MICU1: variants seen among roughly 807,000 people sequenced by gnomAD.
The protein encoded by MICU1 is mitochondrial calcium uptake 1.
MICU1 carries 45 observed loss-of-function variants against 56.8 expected under a neutral mutation model. That is an observed-to-expected ratio of 0.79 (90% CI 0.62 to 1.02). The LOEUF (loss-of-function observed/expected upper bound fraction) is 1.02, where lower values mean the gene tolerates loss of function less well. Among genes scored for constraint, MICU1 ranks in the 50% least tolerant of loss-of-function variants. MICU1 has a pLI of 0.00. For missense variants in MICU1, 504 were observed against 587.1 expected (o/e 0.86, Z 1.46); for synonymous variants, 186 against 195.1 (o/e 0.95, Z 0.39).
intron 10 of MICU1, among the ~76,000 whole-genome samples, chr10:72,402,887 TA>T (rs1177986068): frequency 1.3e-5 from 2 of 151,578 alleles, no homozygotes; most frequent in East Asian, 1.9e-4. Flanking sequence ...CTATAAAAAA[TA>T]AAAAAAATTT....
At chr10:72,513,930 T>C (rs1457272748) in intron 5 of MICU1, among the ~76,000 whole-genome samples, 1 of 152,200 alleles carries the variant, frequency 6.6e-6, no homozygotes, top group African/African-American at 2.4e-5. Flanking sequence ...ATTTACATTT[T>C]TGTAATTTAA....
chr10:72,464,897 C>A (rs1408052597), intron 8 of MICU1, among the ~76,000 whole-genome samples: 1 of 151,902 alleles, frequency 6.6e-6, no homozygotes, highest in African/African-American at 2.4e-5. Flanking sequence ...CTCATCAGGG[C>A]AAGATATTGG....
chr10:72,602,387 G>A (rs1353698887), intron 1 of MICU1, among the ~76,000 whole-genome samples: 1 of 151,658 alleles, frequency 6.6e-6, no homozygotes, highest in Non-Finnish European at 1.5e-5. Flanking sequence ...GGATGGGGAG[G>A]TTGCAGTGAG....
At chr10:72,531,336 T>C (rs1442090302) in intron 5 of MICU1, 2 of 152,208 alleles carry the variant, frequency 1.3e-5, no homozygotes, top group Non-Finnish European at 2.9e-5. Flanking sequence ...CAAATCTGTT[T>C]TTTTAACAGA....
chr10:72,588,094 C>T (rs1029875853), intron 1 of MICU1, among the ~76,000 whole-genome samples: 3 of 152,092 alleles, frequency 2.0e-5, no homozygotes, highest in African/African-American at 4.8e-5. Flanking sequence ...ATTTTCCCCT[C>T]GCTGTTCTGT....
intron 10 of MICU1, among the ~76,000 whole-genome samples, chr10:72,393,780 G>C (rs1051097148): frequency 2.0e-5 from 3 of 152,194 alleles, no homozygotes; most frequent in African/African-American, 4.8e-5. Context: ...TTGTTTGTTT[G>C]TTTTGAGACG....
intron 4 of MICU1, among the ~76,000 whole-genome samples, chr10:72,537,359 G>A (rs772575314): frequency 9.8e-5 from 15 of 152,294 alleles, no homozygotes; most frequent in Non-Finnish European, 1.8e-4. Flanking sequence ...CAATTACTGG[G>A]GGCAGGGAGA....
intron 5 of MICU1, among the ~76,000 whole-genome samples, chr10:72,511,999 T>G (rs1401517007): frequency 1.3e-5 from 2 of 151,928 alleles, no homozygotes; most frequent in African/African-American, 4.8e-5. Flanking sequence ...ACCAGGTTTC[T>G]AGGTATTCCT....
At chr10:72,540,673 C>CTAAAA (rs1839752265) in intron 4 of MICU1, among the ~76,000 whole-genome samples, 1 of 152,038 alleles carries the variant, frequency 6.6e-6, no homozygotes, top group Non-Finnish European at 1.5e-5. Flanking sequence ...GACCCTGTCT[C>CTAAAA]TAAAATAAAA....
chr10:72,472,327 A>G (rs1318285468), intron 8 of MICU1, among the ~76,000 whole-genome samples: 1 of 152,230 alleles, frequency 6.6e-6, no homozygotes, highest in Non-Finnish European at 1.5e-5. Context: ...TTTCTGGTTT[A>G]TTGAGAGCTG....
At chr10:72,445,858 T>C (rs1865088559) in intron 8 of MICU1, among the ~76,000 whole-genome samples, 1 of 152,172 alleles carries the variant, frequency 6.6e-6, no homozygotes, top group Non-Finnish European at 1.5e-5. Flanking sequence ...AGTTAGATAA[T>C]AGATGTGAAA....
intron 11 of MICU1, among the ~76,000 whole-genome samples, chr10:72,371,541 G>A (rs1358626662): frequency 2.0e-5 from 3 of 150,896 alleles, no homozygotes; most frequent in Non-Finnish European, 4.4e-5. Context: ...TCAGAAGTTC[G>A]AGACCAGCCT....
chr10:72,551,530 A>AT (rs560285417), intron 3 of MICU1, among the ~76,000 whole-genome samples, 189 bp from the exon 4 acceptor site: 1 of 152,042 alleles, frequency 6.6e-6, no homozygotes, highest in Non-Finnish European at 1.5e-5. Flanking sequence ...TATTCTTGGA[A>AT]TTTTTTATTT....
chr10:72,414,661 C>G (rs969881289), intron 9 of MICU1, among the ~76,000 whole-genome samples: 2 of 151,960 alleles, frequency 1.3e-5, no homozygotes, highest in African/African-American at 2.4e-5. Context: ...TAAAAATCAC[C>G]GAATTGTACA....
chr10:72,566,114 G>A (rs1840431841), intron 2 of MICU1, among the ~76,000 whole-genome samples: 1 of 138,594 alleles, frequency 7.2e-6, no homozygotes, highest in African/African-American at 2.7e-5. Context: ...CACAATCTTG[G>A]CTCACTGCAA....
intron 4 of MICU1, among the ~76,000 whole-genome samples, chr10:72,548,384 A>C (rs1469123901): frequency 6.6e-6 from 1 of 152,246 alleles, no homozygotes; most frequent in East Asian, 1.9e-4. Context: ...TTAGATAGGA[A>C]AATTTGAACA....
intron 9 of MICU1, among the ~76,000 whole-genome samples, chr10:72,422,013 T>A (rs1411451112): frequency 6.6e-6 from 1 of 152,182 alleles, no homozygotes; most frequent in Non-Finnish European, 1.5e-5. Context: ...GGTTTGTTTT[T>A]CCTGCTTGTT....
chr10:72,523,887 T>TC (rs1452044034), intron 5 of MICU1: 1 of 1,518,454 alleles, frequency 6.6e-7, no homozygotes, highest in Admixed American at 2.1e-5. Context: ...TAGTTGCTTT[T>TC]CCAAATTAAA....
intron 10 of MICU1, among the ~76,000 whole-genome samples, chr10:72,393,552 A>G (rs1445448565): frequency 6.6e-6 from 1 of 152,102 alleles, no homozygotes; most frequent in Non-Finnish European, 1.5e-5. Context: ...GTGAACTGGG[A>G]AAAAAACGAT....
Sources: gnomAD v4.1 joint callset for allele counts (sites outside exome capture counted in the v4.1 genomes callset) on GRCh38, gnomAD v4.1.1 for gene constraint, MANE v1.5 for transcripts, NCBI Gene and HGNC (gene_info 2026-07-23, HGNC 2026-07-21) for gene names.